CABLES2: variants seen among roughly 807,000 people sequenced by gnomAD.
CABLES2 encodes Cdk5 and Abl enzyme substrate 2.
Under a neutral mutation model 44.8 loss-of-function variants are expected in CABLES2, and 35 were observed. That is an observed-to-expected ratio of 0.78 (90% CI 0.60 to 1.04). The LOEUF (loss-of-function observed/expected upper bound fraction) is 1.04. CABLES2 is among the 50% of genes least tolerant of loss of function. The pLI, the probability that CABLES2 is intolerant of heterozygous loss-of-function variation, is 0.00. For missense variants in CABLES2, 566 were observed against 615.7 expected (o/e 0.92, Z 0.85); for synonymous variants, 282 against 281.1 (o/e 1.00, Z -0.03).
Position 62,391,326 on chromosome 20 carries a change from A to C in CABLES2, c.1219T>G (p.Cys407Gly). 7.4e-6 allele frequency: 12 copies of C among 1,613,318 alleles called. No individual in the cohort carries two copies. The highest frequency in any genetic ancestry group is 1.0e-5 in the Non-Finnish European group (12 of 1,180,022). ...GCCAGCAGCACGCAGGCGCCAGCGC[A>C]CAGCTTGCGGTTCTGTTTGCTGAGC... is the stretch of plus-strand genomic sequence containing the variant. ...GKLSKQNRKL[C>G]AGACVLLAAK... is the part of the protein sequence containing the mutation. The change falls in exon 9 of 10, where the codon TGC (cysteine) becomes GGC (glycine). Residue 407 changes from cysteine (C) to glycine (G), a missense_variant. Cys to Gly is a radical substitution (Grantham distance 159). Transcript: ENST00000279101. This position sits in a 1 kb window ranked among gnomAD's most constrained non-coding sequence, Gnocchi z 5.7.
intron 1 of CABLES2, among the ~76,000 whole-genome samples, chr20:62,406,180 G>A (rs1409137308): frequency 6.6e-6 from 1 of 152,118 alleles, no homozygotes; most frequent in East Asian, 1.9e-4. Flanking sequence ...GGGTGCCAGA[G>A]ACCAGTGGCT....
Position 62,390,673 on chromosome 20 carries a change from G to A in CABLES2, c.*298C>T, listed in dbSNP as rs946859799. Reference sequence around the variant, plus strand: ...CTGTGAACAAAAGGTCCTGGTACCAGGCTGGTCTCAGGCACGTGAAAAAAA... The same window carrying A: ...CTGTGAACAAAAGGTCCTGGTACCAAGCTGGTCTCAGGCACGTGAAAAAAA... On this transcript the variant is annotated 3_prime_UTR_variant, in exon 10 of 10. Coordinates refer to ENST00000279101, the MANE Select transcript of CABLES2 (RefSeq NM_031215.3). 2.1e-5 allele frequency: 9 copies of A among 421,572 alleles called. No homozygotes were observed. The highest frequency in any genetic ancestry group is 1.6e-4 in the African/African-American group (8 of 50,246). 26.1% of individuals were successfully genotyped at this position (421,572 alleles called of 1,614,324 possible).
intron 3 of CABLES2, among the ~76,000 whole-genome samples, chr20:62,395,688 G>A (rs1569016078): frequency 6.6e-6 from 1 of 152,348 alleles, no homozygotes; most frequent in East Asian, 1.9e-4. Flanking sequence ...TGGCACTCAC[G>A]TCTGCTGGGA....
In CABLES2 at chr20:62,396,400, G is replaced by A; in HGVS notation, c.442C>T (p.His148Tyr). The change falls in exon 3 of 10, where the codon CAC (histidine) becomes TAC (tyrosine). Residue 148 changes from histidine to tyrosine, a missense_variant. Around this residue, in one of 2 missense-constraint regions of CABLES2, gnomAD observed 436 missense variants for 536.3 expected, o/e 0.81. Transcript: ENST00000279101. The surrounding 1 kb of genome is among the most constrained non-coding windows in gnomAD (Gnocchi z 5.7). ...VGCAPAQRTK[H>Y]TSGSPRHKGL... is the part of the protein sequence containing the mutation. ...TTATGTCTCGGTGATCCAGATGTGT[G>A]TTTGGTTCTGCAAGGCAAAGGACAC... 1.9e-6 allele frequency: 3 copies of A among 1,613,918 alleles called. No individual in the cohort carries two copies. The highest frequency in any genetic ancestry group is 2.5e-6 in the Non-Finnish European group (3 of 1,179,940).
chr20:62,401,547 C>T (rs778377993), intron 1 of CABLES2, among the ~76,000 whole-genome samples: 108 of 152,290 alleles, frequency 7.1e-4, no homozygotes, highest in Middle Eastern at 3.4e-3. Context: ...TCGGTGTGTC[C>T]GGCAGACATG....
chr20:62,403,145 G>C (rs1394853825), intron 1 of CABLES2: 1 of 152,240 alleles, frequency 6.6e-6, no homozygotes, highest in Non-Finnish European at 1.5e-5. Flanking sequence ...GGGGAAAGTT[G>C]TTCGCTTGAG....
chr20:62,397,894 C>CAGTGGTGAT (rs1569016997), intron 1 of CABLES2, among the ~76,000 whole-genome samples: 1 of 133,222 alleles, frequency 7.5e-6, no homozygotes, highest in Admixed American at 7.7e-5. Context: ...GTGGTGATGG[C>CAGTGGTGAT]GGTGGTGGTG....
chr20:62,406,150 G>C (rs1988279074), intron 1 of CABLES2, among the ~76,000 whole-genome samples: 1 of 152,070 alleles, frequency 6.6e-6, no homozygotes, highest in African/African-American at 2.4e-5. Context: ...GGCTCAGCAG[G>C]GAAGTGACAG....
intron 3 of CABLES2, among the ~76,000 whole-genome samples, chr20:62,395,447 G>A (rs1988000963): frequency 6.6e-6 from 1 of 152,232 alleles, no homozygotes; most frequent in Non-Finnish European, 1.5e-5. Flanking sequence ...GTGGAGCGGG[G>A]CTCAACACCA....
At chr20:62,395,320 C>T (rs1235412293) in intron 3 of CABLES2, among the ~76,000 whole-genome samples, 8 of 152,178 alleles carry the variant, frequency 5.3e-5, no homozygotes, top group Admixed American at 2.0e-4. Flanking sequence ...TGACCCAGTG[C>T]GGGTAGGGCT....
Position 62,397,136 on chromosome 20 carries a change from G to A in CABLES2, c.363-544C>T, listed in dbSNP as rs553090534. ...CAACCTCCCACCTCAGTGCCGTCAC[G>A]GGGGCTGCTCCTCCGTCTGGAACAT... On this transcript the variant is annotated intron_variant, in intron 1 of 9. Coordinates refer to ENST00000279101, the MANE Select transcript of CABLES2 (RefSeq NM_031215.3). Among the ~76,000 whole-genome samples the A allele has an allele frequency of 8.5e-4, 130 of 152,310 alleles. 1 individual carries two copies. Among genetic ancestry groups the A allele is most frequent in the African/African-American group, 2.8e-3 (118 of 41,570 alleles).
At position 62,395,011 on chromosome 20, in the gene CABLES2, G is replaced by A. The variant is rs1288691834; in HGVS notation, c.531C>T (p.Ile177=). The A allele has an allele frequency of 3.1e-6, 5 of 1,612,786 alleles. No individual in the cohort carries two copies. Among genetic ancestry groups the A allele is most frequent in the African/African-American group, 1.3e-5 (1 of 75,058 alleles). Residue 177 remains isoleucine (I), a synonymous_variant, in exon 4 of 10, where the codon ATC becomes ATT. Coordinates refer to ENST00000279101, the MANE Select transcript of CABLES2 (RefSeq NM_031215.3). ...GGGACCGCTTGGCACAGATGAGCAC[G>A]ATCCTGCAGGGGGACGGAGTCAGGG... ...MRQYDTRNSR[I]VLICAKRSLC...
In CABLES2 at chr20:62,390,139, C is replaced by T. The variant is rs999726952; in HGVS notation, c.*832G>A. 30 of 152,504 alleles carry T rather than the reference C, an allele frequency of 2.0e-4. No homozygotes were observed. The highest frequency in any genetic ancestry group is 6.0e-4 in the African/African-American group (25 of 41,546). 9.4% of individuals were successfully genotyped at this position (152,504 alleles called of 1,614,324 possible). On this transcript the variant is annotated 3_prime_UTR_variant, in exon 10 of 10. Coordinates refer to ENST00000279101, the MANE Select transcript of CABLES2 (RefSeq NM_031215.3). ...CAATATTGCTTAGAAAAATAAGAGC[C>T]GGCAAGCAGCAATTGTCCTGGAGGC...
chr20:62,398,326 G>A (rs1047343337), intron 1 of CABLES2, among the ~76,000 whole-genome samples: 1 of 150,892 alleles, frequency 6.6e-6, no homozygotes, highest in African/African-American at 2.4e-5. Context: ...TGGCAGTGGT[G>A]GTGACGATGG....
chr20:62,391,269 C>T lies in CABLES2; in HGVS notation c.1276G>A (p.Gly426Ser), dbSNP rs779972278. The change falls in exon 9 of 10, where the codon GGC becomes AGC. Residue 426 changes from glycine to serine, a missense_variant. Transcript: ENST00000279101. This position sits in a 1 kb window ranked among gnomAD's most constrained non-coding sequence, Gnocchi z 5.7. Reference protein sequence around the residue: ...AKISSDLRKSGVTQLIDKLEE... With the variant: ...AKISSDLRKSSVTQLIDKLEE... ...CTCACATCGATGAGCTGCGTCACGC[C>T]GCTCTTGCGCAGGTCACTGCTGATC... is the stretch of plus-strand genomic sequence containing the variant. The T allele has an allele frequency of 1.8e-5, 29 of 1,610,070 alleles. No individual in the cohort carries two copies. The highest frequency in any genetic ancestry group is 1.1e-4 in the South Asian group (10 of 91,052).
rs1345945491 is a variant in CABLES2, at chr20:62,390,929, G to C, written c.*42C>G. On this transcript the variant is annotated 3_prime_UTR_variant, in exon 10 of 10. Transcript: ENST00000279101. ...CTTCAGTGGGACACCTCCCAGGCCGGCAAGTGCACCTCGGTGCCCTGAGCC... is the reference window on the plus strand; with the variant it reads ...CTTCAGTGGGACACCTCCCAGGCCGCCAAGTGCACCTCGGTGCCCTGAGCC... 3.1e-6 allele frequency: 5 copies of C among 1,604,714 alleles called. No individual in the cohort carries two copies. The highest frequency in any genetic ancestry group is 4.3e-6 in the Non-Finnish European group (5 of 1,172,498).
At chr20:62,399,718 C>CG (rs1279024292) in intron 1 of CABLES2, among the ~76,000 whole-genome samples, 23 of 151,586 alleles carry the variant, frequency 1.5e-4, no homozygotes, top group African/African-American at 4.9e-4. Context: ...CTCAGCCTCC[C>CG]GAGTAGCTGA....
rs1189586906 is a variant in CABLES2, at chr20:62,407,235, G to A, written c.42C>T (p.Pro14=). The change falls in exon 1 of 10, where the codon CCC becomes CCT. Residue 14 remains proline (P), a synonymous_variant. Transcript: ENST00000279101. ...CGGGTGGCGGGGGCCCGGCGGGGCC[G>A]GGGGCCGGGCCCGGGGCTCCACCGG... The part of the protein sequence containing the change: ...AAAGGAPGPA[P]GPAGPPPPAA... The A allele has an allele frequency of 6.0e-6, 5 of 839,588 alleles. No homozygotes were observed. The highest frequency in any genetic ancestry group is 1.9e-5 in the African/African-American group (1 of 53,560). 52.0% of individuals were successfully genotyped at this position (839,588 alleles called of 1,614,324 possible). A position where few individuals can be genotyped will look rare whatever the true frequency, so the allele number is the denominator to read the frequency against.
In CABLES2 at chr20:62,388,932, T is replaced by TA. The variant is rs2146415160; in HGVS notation, c.*2038dup. ...CACACAGTGGCAGCTTTTGGCATCA[T>TA]AAAAATGGGACATAACTGAAGGGAA... On this transcript the variant is annotated 3_prime_UTR_variant, in exon 10 of 10. Transcript: ENST00000279101. The TA allele has an allele frequency of 5.6e-6, 1 of 177,130 alleles. No homozygotes were observed. The highest frequency in any genetic ancestry group is 1.7e-4 in the East Asian group (1 of 5,980). 11.0% of individuals were successfully genotyped at this position (177,130 alleles called of 1,614,324 possible).
Sources: allele counts gnomAD v4.1 joint callset (sites outside exome capture counted in the v4.1 genomes callset), GRCh38; gene constraint gnomAD v4.1.1; regional missense constraint gnomAD v4.1.1; non-coding constraint Gnocchi (gnomAD v3.1); transcripts MANE v1.5; gene names NCBI Gene and HGNC (gene_info 2026-07-23, HGNC 2026-07-21).